Variants in CNNM2 observed in about 807,000 individuals in gnomAD.
CNNM2 encodes cyclin and CBS domain divalent metal cation transport mediator 2.
Under a neutral mutation model 66.9 loss-of-function variants are expected in CNNM2, and 12 were observed. That is an observed-to-expected ratio of 0.18 (90% CI 0.11 to 0.29). The LOEUF is 0.29. Among genes scored for constraint, CNNM2 ranks in the 10% least tolerant of loss-of-function variants. CNNM2 has a pLI of 1.00. For synonymous variants in CNNM2, 557 were observed against 501.8 expected, an observed-to-expected ratio of 1.11 and a Z score of -1.47; for missense variants, 705 against 1,167.7, an observed-to-expected ratio of 0.60 and a Z score of 5.77.
Position 102,967,981 on chromosome 10 carries a change from C to G in CNNM2, c.1621+47880C>G, listed in dbSNP as rs540094396. ...TGAGATTGTGTCACTGTGCTCCAGC[C>G]TGAGCGACACAGTGAGACTCTGTCT... On this transcript the variant is annotated intron_variant, in intron 1 of 7. Transcript: ENST00000369878. Among the ~76,000 whole-genome samples, 226 of 152,360 alleles carry G rather than the reference C, an allele frequency of 1.5e-3. 1 individual carries two copies. The highest frequency in any genetic ancestry group is 2.6e-3 in the Non-Finnish European group (179 of 68,036).
intron 1 of CNNM2, among the ~76,000 whole-genome samples, chr10:103,023,275 G>T (rs868543087): frequency 2.6e-5 from 4 of 152,284 alleles, no homozygotes; most frequent in Middle Eastern, 3.4e-3. Context: ...CACTGGGCCT[G>T]GCGCAGTGGC....
chr10:103,064,392 T>TTTTTTG (rs2065440152), intron 4 of CNNM2, among the ~76,000 whole-genome samples: 1 of 152,158 alleles, frequency 6.6e-6, no homozygotes, highest in Non-Finnish European at 1.5e-5. Flanking sequence ...ATAGCTGTTT[T>TTTTTTG]TTTTGTTTTG....
chr10:102,931,140 C>T (rs1225120134), intron 1 of CNNM2, among the ~76,000 whole-genome samples: 2 of 152,102 alleles, frequency 1.3e-5, no homozygotes, highest in Non-Finnish European at 2.9e-5. Context: ...GTCACAACTA[C>T]CTTCCTTCCA....
At chr10:103,071,507 C>G (rs2065582005) in intron 5 of CNNM2, among the ~76,000 whole-genome samples, 1 of 152,138 alleles carries the variant, frequency 6.6e-6, no homozygotes, top group Admixed American at 6.5e-5. Flanking sequence ...GCTATCAACC[C>G]CAATTGGTTA....
intron 1 of CNNM2, among the ~76,000 whole-genome samples, chr10:102,922,138 G>T (rs969185282): frequency 1.3e-5 from 2 of 152,112 alleles, no homozygotes; most frequent in African/African-American, 2.4e-5. Context: ...TCTTTAACTA[G>T]AATGATGTAT....
At chr10:102,947,139 A>G (rs1846645513) in intron 1 of CNNM2, among the ~76,000 whole-genome samples, 2 of 152,104 alleles carry the variant, frequency 1.3e-5, no homozygotes. Flanking sequence ...CTCCAGTCAT[A>G]TGTTTTGTAA....
At position 103,041,534 on chromosome 10, in the gene CNNM2, C is replaced by A. The variant is rs537864485; in HGVS notation, c.1622-8173C>A. Among the ~76,000 whole-genome samples, 8 of 152,088 alleles carry A rather than the reference C, an allele frequency of 5.3e-5. No individual in the cohort carries two copies. In the South Asian group the frequency reaches 1.5e-3, roughly 28 times the overall value. ...GCTACTTGGCAGAAGCAGGCCAGTT[C>A]GGGCCTCCGTGTTAGAAGCAGAAAG... On this transcript the variant is annotated intron_variant, in intron 1 of 7. Coordinates refer to ENST00000369878, the MANE Select transcript of CNNM2 (RefSeq NM_017649.5).
intron 1 of CNNM2, among the ~76,000 whole-genome samples, chr10:103,048,513 G>A (rs1317618825): frequency 2.0e-5 from 3 of 152,052 alleles, no homozygotes; most frequent in Non-Finnish European, 4.4e-5. Flanking sequence ...ACCGCACCCA[G>A]CTAAAATTTT....
intron 1 of CNNM2, chr10:102,927,491 G>A: frequency 6.3e-7 from 1 of 1,576,940 alleles, no homozygotes; most frequent in African/African-American, 1.3e-5. Flanking sequence ...TGGGCGTGGT[G>A]GCTCATGCCT....
intron 1 of CNNM2, among the ~76,000 whole-genome samples, chr10:102,937,684 G>A (rs1025876032): frequency 3.3e-5 from 5 of 152,090 alleles, no homozygotes; most frequent in Non-Finnish European, 7.4e-5. Flanking sequence ...ATCAAGACAA[G>A]ATCAAATATT....
intron 1 of CNNM2, among the ~76,000 whole-genome samples, chr10:103,035,508 G>A (rs113701937): frequency 2.2e-3 from 337 of 152,218 alleles, no homozygotes; most frequent in African/African-American, 7.6e-3. Flanking sequence ...GGGAAAATCC[G>A]AGTCTTTAAA....
intron 4 of CNNM2, among the ~76,000 whole-genome samples, chr10:103,057,320 T>A (rs2065311792): frequency 6.6e-6 from 1 of 151,924 alleles, no homozygotes; most frequent in South Asian, 2.1e-4. Context: ...AATTTAAAAA[T>A]GAGCTGGATG....
At chr10:102,934,460 T>G (rs1342008794) in intron 1 of CNNM2, among the ~76,000 whole-genome samples, 1 of 151,696 alleles carries the variant, frequency 6.6e-6, no homozygotes, top group Non-Finnish European at 1.5e-5. Flanking sequence ...TTTGTATTTT[T>G]AGTAGAGGTG....
intron 1 of CNNM2, among the ~76,000 whole-genome samples, chr10:102,945,840 C>G (rs756581174): frequency 2.6e-5 from 4 of 151,866 alleles, no homozygotes; most frequent in Admixed American, 6.6e-5. Flanking sequence ...AATTTCTTCT[C>G]GCAGGATGAT....
intron 4 of CNNM2, chr10:103,068,361 G>A (rs1252316870): frequency 2.7e-6 from 1 of 371,262 alleles, no homozygotes; most frequent in East Asian, 5.0e-5. Flanking sequence ...AAAGAAAACT[G>A]TATTTTAAGT....
intron 1 of CNNM2, among the ~76,000 whole-genome samples, chr10:103,014,361 G>A (rs923318738): frequency 2.0e-5 from 3 of 152,106 alleles, no homozygotes; most frequent in African/African-American, 7.2e-5. Context: ...AACAGTTCTT[G>A]GTGCTTTGTA....
At chr10:102,997,095 C>T (rs2064017818) in intron 1 of CNNM2, among the ~76,000 whole-genome samples, 2 of 152,116 alleles carry the variant, frequency 1.3e-5, no homozygotes, top group South Asian at 4.1e-4. Flanking sequence ...AAGGACTGTC[C>T]TAAAGAAGGT....
In CNNM2 at chr10:103,076,162, C is replaced by A. The variant is rs943037; in HGVS notation, c.2310C>A (p.Ala770=). The change falls in exon 7 of 8, where the codon GCC becomes GCA. Residue 770 remains alanine, a synonymous_variant. Transcript: ENST00000369878. ...DSLSRSDRID[A]VTPTLGSSNN... ...TCAGTCGAAGCGACCGGATTGACGC[C>A]GTCACACCAACACTGGGGAGCAGCA... 6 of 1,606,720 alleles carry A rather than the reference C, an allele frequency of 3.7e-6. No individual in the cohort carries two copies. The South Asian group carries it at 5.6e-5, about 15-fold the overall frequency.
At chr10:103,001,192 A>G (rs1423655018) in intron 1 of CNNM2, among the ~76,000 whole-genome samples, 3 of 152,198 alleles carry the variant, frequency 2.0e-5, no homozygotes, top group African/African-American at 7.2e-5. Flanking sequence ...AGAGGGGAAT[A>G]TGGGAAATTG....
Sources: gnomAD v4.1 joint callset for allele counts (sites outside exome capture counted in the v4.1 genomes callset) on GRCh38, gnomAD v4.1.1 for gene constraint, MANE v1.5 for transcripts, NCBI Gene and HGNC (gene_info 2026-07-23, HGNC 2026-07-21) for gene names.